The following ATP2B4 variants were observed in gnomAD, a reference collection of about 807,000 sequenced individuals.
The protein encoded by ATP2B4 is ATPase plasma membrane Ca2+ transporting 4, also known as plasma membrane calcium-transporting ATPase 4.
In ATP2B4, 39 loss-of-function variants were observed where a neutral mutation model predicts 110.3. The ratio of observed to expected loss-of-function variants is 0.35; its 90% CI spans 0.27 to 0.46. The LOEUF (loss-of-function observed/expected upper bound fraction) is 0.46, where lower values mean the gene tolerates loss of function less well. ATP2B4 is among the 20% of genes least tolerant of loss of function. ATP2B4 has a pLI of 1.00. For synonymous variants in ATP2B4, 538 were observed against 571.7 expected (o/e 0.94, Z 0.84); for missense variants, 1,135 against 1,530.9 (o/e 0.74, Z 4.32).
At chr1:203,704,723 C>T (rs1184802943) in intron 8 of ATP2B4, among the ~76,000 whole-genome samples, 2 of 151,936 alleles carry the variant, frequency 1.3e-5, no homozygotes, top group Non-Finnish European at 2.9e-5. Context: ...TCAAGTGATC[C>T]GCCCACCTCG....
intron 12 of ATP2B4, among the ~76,000 whole-genome samples, chr1:203,711,744 T>C (rs1418314678): frequency 6.6e-6 from 1 of 152,174 alleles, no homozygotes. Context: ...CTTCAACTCA[T>C]GGTACAATAG....
rs1224372998 is a variant in ATP2B4 at position 203,629,277 on chromosome 1, G to T, written c.-465+2058G>T. On this transcript the variant is annotated intron_variant, in intron 1 of 20. Transcript: ENST00000357681. This position sits in a 1 kb window ranked among gnomAD's most constrained non-coding sequence, Gnocchi z 4.6. ...TAATGCCCGTGTTCTGGAGGGAGGG[G>T]ATCCATTTCTATACTCCTCCTCGGG... is the stretch of plus-strand genomic sequence containing the variant. 6.6e-6 allele frequency among the ~76,000 whole-genome samples: 1 copy of T among 152,170 alleles called. No homozygotes were observed. Among genetic ancestry groups the T allele is most frequent in the Non-Finnish European group, 1.5e-5 (1 of 68,028 alleles).
chr1:203,737,392 G>A lies in ATP2B4; in HGVS notation c.3310-2154G>A, dbSNP rs182196605. Among the ~76,000 whole-genome samples, 274 of 152,290 alleles carry A rather than the reference G, an allele frequency of 1.8e-3. 2 individuals are homozygous for A. The highest frequency in any genetic ancestry group is 0.016 in the Admixed American group (246 of 15,302). ...TCTTGAAAACATATGAAAAATGTGG[G>A]CTATGTTATCACTCCTGACAGTGAT... On this transcript the variant is annotated intron_variant, in intron 20 of 20. Coordinates refer to ENST00000357681, the MANE Select transcript of ATP2B4 (RefSeq NM_001684.5).
chr1:203,736,004 T>C (rs983284905), intron 20 of ATP2B4, among the ~76,000 whole-genome samples: 1 of 152,192 alleles, frequency 6.6e-6, no homozygotes, highest in South Asian at 2.1e-4. Flanking sequence ...TCTCCAGCTG[T>C]GCCTTTTTAG....
chr1:203,684,572 G>T (rs963623690), intron 2 of ATP2B4, among the ~76,000 whole-genome samples: 8 of 151,730 alleles, frequency 5.3e-5, no homozygotes, highest in Admixed American at 1.3e-4. Context: ...GGGTCAGGCT[G>T]GTCTCGAACT....
chr1:203,627,479 G>T (rs1438782041), intron 1 of ATP2B4, among the ~76,000 whole-genome samples: 2 of 152,058 alleles, frequency 1.3e-5, no homozygotes, highest in Non-Finnish European at 2.9e-5. Context: ...GGGCTATGGG[G>T]TAGGGTAATG....
At chr1:203,668,048 G>T (rs1664559140) in intron 1 of ATP2B4, among the ~76,000 whole-genome samples, 1 of 152,172 alleles carries the variant, frequency 6.6e-6, no homozygotes, top group Non-Finnish European at 1.5e-5. Flanking sequence ...GATGTGTGAT[G>T]CTACTCCTCC....
intron 19 of ATP2B4, among the ~76,000 whole-genome samples, chr1:203,724,978 G>A (rs1260556092): frequency 6.8e-6 from 1 of 147,344 alleles, no homozygotes; most frequent in Non-Finnish European, 1.5e-5. Context: ...CTGGGTTCAA[G>A]CAATTTCTCC....
chr1:203,713,094 T>G, intron 13 of ATP2B4, 71 bp from the exon 14 acceptor site: 4 of 1,530,652 alleles, frequency 2.6e-6, no homozygotes, highest in Non-Finnish European at 3.6e-6. Flanking sequence ...TCCAAGTGTA[T>G]GGAGAAGTTA....
chr1:203,730,083 G>T (rs1347386460), intron 20 of ATP2B4, among the ~76,000 whole-genome samples: 6 of 152,104 alleles, frequency 3.9e-5, no homozygotes. Flanking sequence ...CAAGGAGGAT[G>T]CTGAGGAGAA....
intron 8 of ATP2B4, among the ~76,000 whole-genome samples, 170 bp from the exon 9 acceptor site, chr1:203,706,839 A>G (rs1031090033): frequency 1.3e-5 from 2 of 152,158 alleles, no homozygotes; most frequent in Admixed American, 1.3e-4. Context: ...TCTGTTCCCT[A>G]TGCTATAATG....
intron 1 of ATP2B4, among the ~76,000 whole-genome samples, chr1:203,634,638 G>A (rs1285551948): frequency 6.6e-6 from 1 of 152,110 alleles, no homozygotes; most frequent in East Asian, 1.9e-4. Flanking sequence ...AGACTGGGTG[G>A]CTTAAGCAAC....
At chr1:203,724,118 C>G (rs894041646) in intron 19 of ATP2B4, 130 bp downstream of exon 19, 4 of 704,978 alleles carry the variant, frequency 5.7e-6, no homozygotes, top group Non-Finnish European at 9.0e-6. Context: ...TCCCTCCCCA[C>G]CCCCACTCAA....
At chr1:203,727,654 G>A (rs936117949) in intron 20 of ATP2B4, 83 bp downstream of exon 20, 15 of 1,533,424 alleles carry the variant, frequency 9.8e-6, no homozygotes, top group South Asian at 4.8e-5. Flanking sequence ...AGTTCTTGTC[G>A]GCCAGCATCT....
intron 1 of ATP2B4, among the ~76,000 whole-genome samples, chr1:203,663,495 A>G (rs1664410799): frequency 6.6e-6 from 1 of 152,162 alleles, no homozygotes; most frequent in Non-Finnish European, 1.5e-5. Context: ...TCTGAGAGGA[A>G]GTAGGAGAAC....
chr1:203,673,222 C>A (rs79057355), intron 1 of ATP2B4, among the ~76,000 whole-genome samples: 6,343 of 152,270 alleles, frequency 0.042, 318 homozygotes, highest in African/African-American at 0.12. Context: ...CCAGGCCCCA[C>A]CTCCGTTCTT....
chr1:203,636,181 C>T (rs542103177), intron 1 of ATP2B4, among the ~76,000 whole-genome samples: 2 of 152,214 alleles, frequency 1.3e-5, no homozygotes, highest in Non-Finnish European at 2.9e-5. Flanking sequence ...CCTTAGAATT[C>T]TCTAATTAGG....
rs756184004 is a variant in ATP2B4, at chr1:203,725,904, C to CTTTTTTT, written c.3133-1475_3133-1469dup. Among the ~76,000 whole-genome samples, 199 of 93,306 alleles carry CTTTTTTT rather than the reference C, an allele frequency of 2.1e-3. 1 individual carries two copies. The highest frequency in any genetic ancestry group is 0.017 in the Middle Eastern group (2 of 118). The allele number at this position is 93,306 out of a possible 152,430, so 61.2% of individuals were successfully genotyped here. On this transcript the variant is annotated intron_variant, in intron 19 of 20. Coordinates refer to ENST00000357681, the MANE Select transcript of ATP2B4 (RefSeq NM_001684.5). ...ATTTCTTTTTCTTTTCTTTTCTTTTCTTTTTTTTTTTTTTTTTTTTTTAAG... is the reference window on the plus strand; with the variant it reads ...ATTTCTTTTTCTTTTCTTTTCTTTTCTTTTTTTTTTTTTTTTTTTTTTTTTTTTTAAG...
chr1:203,633,739 T>TAAATAAAGAAAG (rs1553242183), intron 1 of ATP2B4, among the ~76,000 whole-genome samples: 1 of 151,462 alleles, frequency 6.6e-6, no homozygotes, highest in South Asian at 2.1e-4. Flanking sequence ...AATAAATAAA[T>TAAATAAAGAAAG]AAATAAAGTA....
Sources: allele counts gnomAD v4.1 joint callset (sites outside exome capture counted in the v4.1 genomes callset), GRCh38; gene constraint gnomAD v4.1.1; non-coding constraint Gnocchi (gnomAD v3.1); transcripts MANE v1.5; gene names NCBI Gene and HGNC (gene_info 2026-07-23, HGNC 2026-07-21).